Variants in FAM135B observed in about 807,000 individuals in gnomAD.
FAM135B encodes protein FAM135B.
FAM135B carries 43 observed loss-of-function variants against 127.7 expected under a neutral mutation model. The observed-to-expected ratio is 0.34, with a 90% confidence interval of 0.26 to 0.43. The LOEUF is 0.43. Ranked by LOEUF, FAM135B falls within the 20% of genes least tolerant of loss-of-function variation. The pLI is 1.00. For missense variants in FAM135B, 1,558 were observed against 1,725.6 expected (o/e 0.90, Z 1.72); for synonymous variants, 670 against 665.1 (o/e 1.01, Z -0.11).
chr8:138,351,228 T>G (rs1587193579), intron 2 of FAM135B, among the ~76,000 whole-genome samples: 1 of 152,298 alleles, frequency 6.6e-6, no homozygotes, highest in East Asian at 1.9e-4. Context: ...TACCTCAGAA[T>G]GTGGCATTAT....
At chr8:138,370,574 C>A (rs1037920123) in intron 1 of FAM135B, among the ~76,000 whole-genome samples, 1 of 151,994 alleles carries the variant, frequency 6.6e-6, no homozygotes, top group Admixed American at 6.6e-5. Flanking sequence ...CCTCAGCCTC[C>A]CGAGTAGCTG....
chr8:138,177,455 T>A, intron 10 of FAM135B, 35 bp from the exon 11 acceptor site: 1 of 1,569,686 alleles, frequency 6.4e-7, no homozygotes, highest in Non-Finnish European at 8.7e-7. Flanking sequence ...GTTCAATTCT[T>A]TAGGTAGGTA....
chr8:138,234,138 C>T (rs1489390459), intron 7 of FAM135B, among the ~76,000 whole-genome samples: 1 of 151,978 alleles, frequency 6.6e-6, no homozygotes, highest in Non-Finnish European at 1.5e-5. Flanking sequence ...CTGACTTTTG[C>T]ATTAAAAGAC....
intron 12 of FAM135B, among the ~76,000 whole-genome samples, chr8:138,166,295 G>A (rs138538767): frequency 7.2e-5 from 11 of 152,310 alleles, no homozygotes; most frequent in African/African-American, 2.6e-4. Context: ...GAGCAGGGCC[G>A]TGGGGCAGGA....
rs373037651 is a variant in FAM135B, at chr8:138,494,849, A to AAAAAAAC, written c.-20+1821_-20+1822insGTTTTTT. Among the ~76,000 whole-genome samples the AAAAAAAC allele has an allele frequency of 1.9e-3, 280 of 150,064 alleles. 2 individuals carry two copies. The highest frequency in any genetic ancestry group is 3.4e-3 in the Middle Eastern group (1 of 290). The stretch of plus-strand genomic sequence containing the variant: ...CTGTTTATACTGTAAAAAAAAAAAA[A>AAAAAAAC]AAACTTAATCCACCCATTGTGAGCA... On this transcript the variant is annotated intron_variant, in intron 1 of 19. Transcript: ENST00000395297.
At chr8:138,269,964 T>C (rs1426062357) in intron 3 of FAM135B, among the ~76,000 whole-genome samples, 2 of 152,216 alleles carry the variant, frequency 1.3e-5, no homozygotes, top group South Asian at 2.1e-4. Flanking sequence ...TTATTTTTTT[T>C]CCAAAGATTG....
intron 1 of FAM135B, among the ~76,000 whole-genome samples, chr8:138,468,094 G>A (rs928190430): frequency 1.3e-5 from 2 of 152,168 alleles, no homozygotes; most frequent in Non-Finnish European, 2.9e-5. Flanking sequence ...CTGGGACTAG[G>A]AACTATGGGT....
At chr8:138,336,254 A>C (rs1828573220) in intron 2 of FAM135B, among the ~76,000 whole-genome samples, 1 of 152,190 alleles carries the variant, frequency 6.6e-6, no homozygotes, top group Non-Finnish European at 1.5e-5. Flanking sequence ...AATAACTAAG[A>C]TCAGAGCAGA....
chr8:138,419,094 G>A (rs1186052225), intron 1 of FAM135B, among the ~76,000 whole-genome samples: 2 of 152,156 alleles, frequency 1.3e-5, no homozygotes, highest in African/African-American at 4.8e-5. Flanking sequence ...CAAACTGTAT[G>A]CTGTCTTCAA....
chr8:138,376,202 C>T (rs975168326), intron 1 of FAM135B, among the ~76,000 whole-genome samples: 3 of 152,124 alleles, frequency 2.0e-5, no homozygotes, highest in Admixed American at 6.6e-5. Context: ...CTCAGCCTCC[C>T]AAAGTGCTAG....
At position 138,141,186 on chromosome 8, in the gene FAM135B, G is replaced by C. The variant is rs2130591530; in HGVS notation, c.3790+12C>G. 1 of 1,613,666 alleles carries C rather than the reference G, an allele frequency of 6.2e-7. No homozygotes were observed. The highest frequency in any genetic ancestry group is 8.5e-7 in the Non-Finnish European group (1 of 1,179,756). ...TAATTCTGAGGAATGACGAGTCCTAGAAGAATCTTACCTGTACTAACCAGG... is the reference window on the plus strand; with the variant it reads ...TAATTCTGAGGAATGACGAGTCCTACAAGAATCTTACCTGTACTAACCAGG... On this transcript the variant is annotated intron_variant, in intron 17 of 19. Coordinates refer to ENST00000395297, the MANE Select transcript of FAM135B (RefSeq NM_015912.4). This position sits in a 1 kb window ranked among gnomAD's most constrained non-coding sequence, Gnocchi z 4.7.
chr8:138,444,715 G>C (rs1283796364), intron 1 of FAM135B, among the ~76,000 whole-genome samples: 1 of 152,032 alleles, frequency 6.6e-6, no homozygotes, highest in African/African-American at 2.4e-5. Flanking sequence ...ATCTAAAATT[G>C]ACACCCTAAC....
At chr8:138,434,022 A>C (rs574732064) in intron 1 of FAM135B, among the ~76,000 whole-genome samples, 1 of 152,326 alleles carries the variant, frequency 6.6e-6, no homozygotes, top group Admixed American at 6.5e-5. Context: ...ACTATTACTA[A>C]ATAAAAGCAG....
chr8:138,157,337 A>G (rs560920013), intron 12 of FAM135B, among the ~76,000 whole-genome samples: 100 of 152,292 alleles, frequency 6.6e-4, no homozygotes, highest in African/African-American at 2.3e-3. Flanking sequence ...CACAGCCACT[A>G]TCATACTGAA....
At chr8:138,393,576 A>T (rs1486936999) in intron 1 of FAM135B, among the ~76,000 whole-genome samples, 1 of 152,178 alleles carries the variant, frequency 6.6e-6, no homozygotes, top group Non-Finnish European at 1.5e-5. Flanking sequence ...GTACAGATGC[A>T]TGAACAGAAA....
At position 138,490,819 on chromosome 8, in the gene FAM135B, T is replaced by C. The variant is rs150084835; in HGVS notation, c.-20+5852A>G. 9.7e-3 allele frequency among the ~76,000 whole-genome samples: 1,469 copies of C among 152,214 alleles called. 21 individuals are homozygous for C. Among genetic ancestry groups the C allele is most frequent in the Middle Eastern group, 0.014 (4 of 294 alleles). Reference sequence around the variant, plus strand: ...ACGTCACTTCAACGTCTGCTAAATATAATGAAATTAAAGAAAAAACTCTAG... The same window carrying C: ...ACGTCACTTCAACGTCTGCTAAATACAATGAAATTAAAGAAAAAACTCTAG... On this transcript the variant is annotated intron_variant, in intron 1 of 19. Coordinates refer to ENST00000395297, the MANE Select transcript of FAM135B (RefSeq NM_015912.4).
intron 7 of FAM135B, among the ~76,000 whole-genome samples, chr8:138,215,985 C>T (rs901536643): frequency 6.6e-6 from 1 of 152,134 alleles, no homozygotes; most frequent in Non-Finnish European, 1.5e-5. Context: ...TGGTAAAAGT[C>T]AGTGGAAGCG....
intron 3 of FAM135B, among the ~76,000 whole-genome samples, chr8:138,286,453 A>T (rs1454026484): frequency 6.6e-6 from 1 of 152,252 alleles, no homozygotes; most frequent in African/African-American, 2.4e-5. Flanking sequence ...AGATCAAAGA[A>T]GTATCGCCTC....
intron 3 of FAM135B, among the ~76,000 whole-genome samples, chr8:138,303,827 C>T (rs775519118): frequency 5.5e-4 from 84 of 152,128 alleles, no homozygotes; most frequent in Non-Finnish European, 8.8e-4. Context: ...ACTGATCCTT[C>T]AAACATTTCT....
Sources: gnomAD v4.1 joint callset for allele counts (sites outside exome capture counted in the v4.1 genomes callset) on GRCh38, gnomAD v4.1.1 for gene constraint, Gnocchi (gnomAD v3.1) non-coding constraint, MANE v1.5 for transcripts, NCBI Gene and HGNC (gene_info 2026-07-23, HGNC 2026-07-21) for gene names.